MAPKAP1: variants seen among roughly 807,000 people sequenced by gnomAD.
The protein encoded by MAPKAP1 is target of rapamycin complex 2 subunit MAPKAP1.
In MAPKAP1, 20 loss-of-function variants were observed where a neutral mutation model predicts 65.7. The observed-to-expected ratio is 0.30, with a 90% CI of 0.21 to 0.44. The LOEUF (loss-of-function observed/expected upper bound fraction) is 0.44. Ranked by LOEUF, MAPKAP1 falls within the 20% of genes least tolerant of loss-of-function variation. The probability of loss-of-function intolerance (pLI) is 1.00; values close to 1 mark genes in which losing one functional copy is unlikely to be tolerated. For synonymous variants in MAPKAP1, 222 were observed against 244.3 expected (o/e 0.91, Z 0.85); for missense variants, 423 against 648.0 (o/e 0.65, Z 3.77).
At chr9:125,477,914 C>A (rs1854169051) in intron 9 of MAPKAP1, among the ~76,000 whole-genome samples, 1 of 152,160 alleles carries the variant, frequency 6.6e-6, no homozygotes, top group Admixed American at 6.5e-5. Context: ...TAAAGCTACA[C>A]TTGAAGGACA....
At chr9:125,555,669 A>T (rs1830715842) in intron 6 of MAPKAP1, among the ~76,000 whole-genome samples, 1 of 152,228 alleles carries the variant, frequency 6.6e-6, no homozygotes, top group South Asian at 2.1e-4. Context: ...TTCTCCATGA[A>T]GCCCTGTGCT....
chr9:125,638,948 T>C (rs550847564), intron 4 of MAPKAP1, among the ~76,000 whole-genome samples: 2 of 152,320 alleles, frequency 1.3e-5, no homozygotes, highest in East Asian at 3.9e-4. Context: ...TGGAAGACCT[T>C]TGGGAGCCCT....
At chr9:125,494,300 G>A (rs1017390446) in intron 8 of MAPKAP1, among the ~76,000 whole-genome samples, 10 of 152,042 alleles carry the variant, frequency 6.6e-5, no homozygotes, top group Non-Finnish European at 1.2e-4. Flanking sequence ...ACACACACAC[G>A]TTCATGCCCC....
intron 5 of MAPKAP1, among the ~76,000 whole-genome samples, chr9:125,576,718 G>C (rs558303375): frequency 1.3e-5 from 2 of 152,212 alleles, no homozygotes; most frequent in Admixed American, 1.3e-4. Flanking sequence ...ACGGGGTTTC[G>C]CTGTGTTGGC....
intron 1 of MAPKAP1, among the ~76,000 whole-genome samples, chr9:125,680,797 G>A (rs943759282): frequency 6.6e-6 from 1 of 152,054 alleles, no homozygotes; most frequent in South Asian, 2.1e-4. Context: ...TATACATAGG[G>A]AACAATAACA....
chr9:125,476,476 A>T (rs1854115295), intron 9 of MAPKAP1, among the ~76,000 whole-genome samples: 1 of 152,152 alleles, frequency 6.6e-6, no homozygotes, highest in Non-Finnish European at 1.5e-5. Context: ...GAAACATGGA[A>T]GATCAATCCA....
chr9:125,455,905 C>A (rs1185955846), intron 10 of MAPKAP1, among the ~76,000 whole-genome samples: 2 of 152,214 alleles, frequency 1.3e-5, no homozygotes, highest in African/African-American at 2.4e-5. Flanking sequence ...TACCCTCCAG[C>A]CTTTCACTTC....
intron 1 of MAPKAP1, among the ~76,000 whole-genome samples, chr9:125,692,693 G>A (rs768076774): frequency 2.0e-5 from 3 of 152,096 alleles, no homozygotes; most frequent in Non-Finnish European, 2.9e-5. Context: ...TAGAAACACA[G>A]GAAGGCTAGA....
At chr9:125,626,363 C>T (rs1229643410) in intron 4 of MAPKAP1, among the ~76,000 whole-genome samples, 4 of 152,196 alleles carry the variant, frequency 2.6e-5, no homozygotes, top group Non-Finnish European at 5.9e-5. Flanking sequence ...CTCTAGCTCC[C>T]TCTGACCCCA....
At chr9:125,596,963 TAAAAAA>T (rs56718500) in intron 4 of MAPKAP1, among the ~76,000 whole-genome samples, 3 of 129,352 alleles carry the variant, frequency 2.3e-5, no homozygotes, top group Non-Finnish European at 4.8e-5. Context: ...AAATGTGTCT[TAAAAAA>T]AAAAAAAAAA....
intron 1 of MAPKAP1, among the ~76,000 whole-genome samples, chr9:125,700,739 T>C (rs977978817): frequency 6.6e-6 from 1 of 152,240 alleles, no homozygotes; most frequent in Non-Finnish European, 1.5e-5. Context: ...ATTCTGTTAT[T>C]TCCTTATACA....
intron 4 of MAPKAP1, among the ~76,000 whole-genome samples, chr9:125,594,929 A>G (rs1010930352): frequency 6.6e-6 from 1 of 152,086 alleles, no homozygotes; most frequent in African/African-American, 2.4e-5. Flanking sequence ...CTTCAGGAAC[A>G]CTCTTTCCTC....
At chr9:125,663,560 T>C (rs1215229671) in intron 3 of MAPKAP1, among the ~76,000 whole-genome samples, 1 of 152,220 alleles carries the variant, frequency 6.6e-6, no homozygotes, top group African/African-American at 2.4e-5. Context: ...ATAAGCCCCA[T>C]GAAGACAAGG....
At chr9:125,626,287 T>A (rs1443023904) in intron 4 of MAPKAP1, among the ~76,000 whole-genome samples, 1 of 152,234 alleles carries the variant, frequency 6.6e-6, no homozygotes, top group Non-Finnish European at 1.5e-5. Context: ...GCTCAGCAAC[T>A]GCTTCTGTGT....
chr9:125,658,729 C>T lies in MAPKAP1; in HGVS notation c.350-930G>A, dbSNP rs78932212. Among the ~76,000 whole-genome samples, 88 of 152,316 alleles carry T rather than the reference C, an allele frequency of 5.8e-4. 1 individual carries two copies. In the East Asian group the frequency reaches 0.014, roughly 24 times the overall value. On this transcript the variant is annotated intron_variant, in intron 3 of 11. Transcript: ENST00000265960. ...AACCAAGACAAGTTCCGTAACTTTTCAAAGATCATTTAATTCTCTAAATCA... is the reference window on the plus strand; with the variant it reads ...AACCAAGACAAGTTCCGTAACTTTTTAAAGATCATTTAATTCTCTAAATCA...
chr9:125,576,274 A>G (rs145521851), intron 5 of MAPKAP1, among the ~76,000 whole-genome samples: 3 of 152,338 alleles, frequency 2.0e-5, no homozygotes, highest in Non-Finnish European at 2.9e-5. Flanking sequence ...ACCCTAATGT[A>G]TAACTGCTGG....
At chr9:125,572,069 T>C (rs1385214976) in intron 5 of MAPKAP1, among the ~76,000 whole-genome samples, 1 of 152,208 alleles carries the variant, frequency 6.6e-6, no homozygotes, top group African/African-American at 2.4e-5. Context: ...TATGGCAATA[T>C]AGTTATTTGC....
intron 8 of MAPKAP1, among the ~76,000 whole-genome samples, chr9:125,488,927 A>C (rs1357538685): frequency 6.6e-6 from 1 of 152,220 alleles, no homozygotes; most frequent in African/African-American, 2.4e-5. Context: ...CATTATTCCA[A>C]AAGCATATTT....
chr9:125,648,028 G>T (rs1422895697), intron 4 of MAPKAP1, among the ~76,000 whole-genome samples: 2 of 151,244 alleles, frequency 1.3e-5, no homozygotes, highest in Non-Finnish European at 1.5e-5. Flanking sequence ...ATCTGAAGCA[G>T]TCCGTCAGGT....
Sources: gnomAD v4.1 joint callset for allele counts (sites outside exome capture counted in the v4.1 genomes callset) on GRCh38, gnomAD v4.1.1 for gene constraint, MANE v1.5 for transcripts, NCBI Gene and HGNC (gene_info 2026-07-23, HGNC 2026-07-21) for gene names.